CCDC175: variants seen among roughly 807,000 people sequenced by gnomAD.
CCDC175 encodes coiled-coil domain-containing protein 175.
Under a neutral mutation model 114.6 loss-of-function variants are expected in CCDC175, and 100 were observed. The ratio of observed to expected loss-of-function variants is 0.87; its 90% CI spans 0.74 to 1.03. CCDC175 has a LOEUF of 1.03. Ranked by LOEUF, CCDC175 falls within the 50% of genes least tolerant of loss-of-function variation. CCDC175 has a pLI of 0.00. For synonymous variants in CCDC175, 306 were observed against 308.7 expected (o/e 0.99, Z 0.09); for missense variants, 880 against 917.8 (o/e 0.96, Z 0.53).
At chr14:59,526,372 G>A (rs1237645384) in intron 15 of CCDC175, among the ~76,000 whole-genome samples, 5 of 151,934 alleles carry the variant, frequency 3.3e-5, no homozygotes, top group African/African-American at 1.2e-4. Flanking sequence ...TTGGGAGGCC[G>A]AGGCAGGCGG....
chr14:59,514,741 T>G (rs1892968283), intron 17 of CCDC175, among the ~76,000 whole-genome samples: 1 of 152,200 alleles, frequency 6.6e-6, no homozygotes, highest in South Asian at 2.1e-4. Flanking sequence ...GAAAACACTC[T>G]GCAGGATATC....
In CCDC175 at chr14:59,576,744, C is replaced by A. The variant is rs752246044; in HGVS notation, c.32G>T (p.Gly11Val). 3.4e-6 allele frequency: 5 copies of A among 1,476,168 alleles called. No individual in the cohort carries two copies. The South Asian group carries it at 5.2e-5, about 15-fold the overall frequency. 91.4% of individuals were successfully genotyped at this position (1,476,168 alleles called of 1,614,324 possible). A position where few individuals can be genotyped will look rare whatever the true frequency, so the allele number is the denominator to read the frequency against. Residue 11 changes from glycine to valine, a missense_variant, in exon 1 of 20, where the codon GGC becomes GTC. Transcript: ENST00000537690. Reference protein sequence around the residue: MALSPWTPGLGAGEKLVQAAA... With the variant: MALSPWTPGLVAGEKLVQAAA... Reference sequence around the variant, plus strand: ...CGCCTGCACCAGCTTCTCGCCAGCGCCCAGCCCTGGGGTCCAGGGGCTCAG... The same window carrying A: ...CGCCTGCACCAGCTTCTCGCCAGCGACCAGCCCTGGGGTCCAGGGGCTCAG...
Position 59,505,238 on chromosome 14 carries a change from G to A in CCDC175, c.*1C>T, listed in dbSNP as rs767640870. 6.9e-7 allele frequency: 1 copy of A among 1,459,524 alleles called. No individual in the cohort carries two copies. The highest frequency in any genetic ancestry group is 1.3e-5 in the South Asian group (1 of 76,428). The allele number at this position is 1,459,524 out of a possible 1,614,324, so 90.4% of individuals were successfully genotyped here. On this transcript the variant is annotated 3_prime_UTR_variant, in exon 20 of 20. Transcript: ENST00000537690. Reference sequence around the variant, plus strand: ...GAATTCACAGCAGTTGTATCCTTGAGTTACTTTGTTAATGTATTTTTCTCA... The same window carrying A: ...GAATTCACAGCAGTTGTATCCTTGAATTACTTTGTTAATGTATTTTTCTCA...
At chr14:59,564,554 C>T (rs1046571537) in intron 5 of CCDC175, 1 of 157,142 alleles carries the variant, frequency 6.4e-6, no homozygotes, top group Non-Finnish European at 1.4e-5. Flanking sequence ...GTTATCCCTC[C>T]CCCACCCTCA....
rs191768079 is a variant in CCDC175, at chr14:59,570,068, G to T, written c.356-1688C>A. On this transcript the variant is annotated intron_variant, in intron 3 of 19. Coordinates refer to ENST00000537690, the MANE Select transcript of CCDC175 (RefSeq NM_001164399.2). ...CTCTCTGGGGGTGTTAGGGGTACCT[G>T]CCCACAGAGAGGTGCCATGCTTCAG... Among the ~76,000 whole-genome samples, 68 of 152,272 alleles carry T rather than the reference G, an allele frequency of 4.5e-4. 1 individual carries two copies. Among genetic ancestry groups the T allele is most frequent in the Middle Eastern group, 3.4e-3 (1 of 294 alleles).
chr14:59,575,052 A>G, intron 1 of CCDC175, 24 bp from the exon 2 acceptor site: 1 of 1,287,806 alleles, frequency 7.8e-7, no homozygotes, highest in Non-Finnish European at 1.1e-6. Flanking sequence ...TAGAAAATAA[A>G]GATCTCTTAT....
At chr14:59,520,380 A>G (rs1215343533) in intron 17 of CCDC175, among the ~76,000 whole-genome samples, 2 of 152,188 alleles carry the variant, frequency 1.3e-5, no homozygotes, top group African/African-American at 4.8e-5. Flanking sequence ...ACACTTAACA[A>G]CCACTCTGGC....
At chr14:59,514,626 A>C (rs1237546776) in intron 17 of CCDC175, among the ~76,000 whole-genome samples, 2 of 152,206 alleles carry the variant, frequency 1.3e-5, no homozygotes, top group Non-Finnish European at 2.9e-5. Context: ...AAAAAGAATA[A>C]AAAGAAATGA....
At chr14:59,538,207 C>A (rs958427468) in intron 12 of CCDC175, 53 bp from the exon 13 acceptor site, 1 of 1,426,038 alleles carries the variant, frequency 7.0e-7, no homozygotes, top group Non-Finnish European at 9.2e-7. Context: ...ATCAGCCTTA[C>A]ATTTTCGAAT....
intron 7 of CCDC175, among the ~76,000 whole-genome samples, chr14:59,560,745 G>C (rs1224572309): frequency 6.6e-6 from 1 of 152,138 alleles, no homozygotes; most frequent in African/African-American, 2.4e-5. Flanking sequence ...AGTATCCTTT[G>C]AGTAAGAACA....
At chr14:59,551,620 T>A (rs1895491562) in intron 7 of CCDC175, among the ~76,000 whole-genome samples, 184 bp from the exon 8 acceptor site, 2 of 152,210 alleles carry the variant, frequency 1.3e-5, no homozygotes, top group Admixed American at 1.3e-4. Context: ...GGACAGTGGG[T>A]GCAGGACAGT....
intron 13 of CCDC175, among the ~76,000 whole-genome samples, chr14:59,536,564 C>A (rs572810417): frequency 2.4e-4 from 37 of 151,948 alleles, no homozygotes; most frequent in African/African-American, 8.4e-4. Flanking sequence ...CTCCTCTCCC[C>A]CCTCACCCCG....
chr14:59,575,972 C>A (rs988467778), intron 1 of CCDC175, among the ~76,000 whole-genome samples: 9 of 152,146 alleles, frequency 5.9e-5, no homozygotes, highest in African/African-American at 2.2e-4. Context: ...TAGTGAAGCA[C>A]TGAAATGTTT....
chr14:59,553,975 G>C (rs1895701402), intron 7 of CCDC175, among the ~76,000 whole-genome samples: 1 of 152,172 alleles, frequency 6.6e-6, no homozygotes, highest in African/African-American at 2.4e-5. Flanking sequence ...CAAGTCCTTA[G>C]AGACCTGGAA....
Position 59,540,648 on chromosome 14 carries a change from CTTTTT to C in CCDC175, c.1355+22_1355+26del, listed in dbSNP as rs34112354. ...GCTGATAACACAAAACACAAATAAA[CTTTTT>C]TTTTTTTTTTTTTTTTTTTACCATC... On this transcript the variant is annotated intron_variant, in intron 11 of 19. Transcript: ENST00000537690. The C allele has an allele frequency of 2.5e-3, 2,739 of 1,099,720 alleles. 22 individuals carry two copies. In the African/African-American group the frequency reaches 0.044, roughly 18 times the overall value. The allele number at this position is 1,099,720 out of a possible 1,614,324, so 68.1% of individuals were successfully genotyped here.
intron 19 of CCDC175, among the ~76,000 whole-genome samples, chr14:59,505,908 G>A (rs748006978): frequency 6.6e-6 from 1 of 152,002 alleles, no homozygotes; most frequent in Non-Finnish European, 1.5e-5. Context: ...TTCGAATTTC[G>A]GGTATTTTCA....
At chr14:59,549,777 T>A (rs886680007) in intron 8 of CCDC175, among the ~76,000 whole-genome samples, 1 of 151,126 alleles carries the variant, frequency 6.6e-6, no homozygotes, top group African/African-American at 2.4e-5. Context: ...AAATTAAGTT[T>A]GGATATATGA....
At chr14:59,505,437 G>C (rs1187675346) in intron 19 of CCDC175, 122 bp from the exon 20 acceptor site, 3 of 351,436 alleles carry the variant, frequency 8.5e-6, no homozygotes, top group Admixed American at 7.0e-5. Context: ...TGTATAATCG[G>C]GGTAGAGTAG....
intron 19 of CCDC175, 165 bp from the exon 20 acceptor site, chr14:59,505,480 A>T: frequency 2.5e-6 from 1 of 402,514 alleles, no homozygotes; most frequent in Non-Finnish European, 4.4e-6. Flanking sequence ...TACTAGGACT[A>T]TATCTTCTGG....
Sources: allele counts gnomAD v4.1 joint callset (sites outside exome capture counted in the v4.1 genomes callset), GRCh38; gene constraint gnomAD v4.1.1; transcripts MANE v1.5; gene names NCBI Gene and HGNC (gene_info 2026-07-23, HGNC 2026-07-21).